PPARA: variants seen among roughly 807,000 people sequenced by gnomAD.
The protein encoded by PPARA is peroxisome proliferator activated receptor alpha, also known as peroxisome proliferator-activated receptor alpha.
A neutral mutation model predicts 42.2 loss-of-function variants in PPARA; 22 were observed. That is an observed-to-expected ratio of 0.52 (90% CI 0.37 to 0.74). PPARA has a LOEUF of 0.74. Among genes scored for constraint, PPARA ranks in the 30% least tolerant of loss-of-function variants. The pLI is 0.00. For synonymous variants in PPARA, 242 were observed against 239.3 expected, an observed-to-expected ratio of 1.01 and a Z score of -0.10; for missense variants, 465 against 608.2, an observed-to-expected ratio of 0.76 and a Z score of 2.48.
Position 46,162,176 on chromosome 22 carries a change from G to C in PPARA, c.-127+10206G>C, listed in dbSNP as rs1243719920. 6.6e-6 allele frequency among the ~76,000 whole-genome samples: 1 copy of C among 152,212 alleles called. No individual in the cohort carries two copies. Among genetic ancestry groups the C allele is most frequent in the Non-Finnish European group, 1.5e-5 (1 of 68,038 alleles). ...GTGGCTCAGTTTCCCTCAGCTACAA[G>C]AGGGGTGCATGCTAGGGTTTCTCTG... On this transcript the variant is annotated intron_variant, in intron 2 of 8. Coordinates refer to ENST00000407236, the MANE Select transcript of PPARA (RefSeq NM_005036.6). The surrounding 1 kb of genome is among the most constrained non-coding windows in gnomAD (Gnocchi z 6.0).
intron 3 of PPARA, 89 bp from the exon 4 acceptor site, chr22:46,198,253 A>AT: frequency 4.4e-6 from 2 of 459,192 alleles, no homozygotes; most frequent in Non-Finnish European, 6.7e-6. Flanking sequence ...AAAAAAAAAA[A>AT]GAATAAATAA....
At position 46,240,177 on chromosome 22, in the gene PPARA, C is replaced by T. The variant is rs973119272; in HGVS notation, c.*4797C>T. 2 of 398,624 alleles carry T rather than the reference C, an allele frequency of 5.0e-6. No homozygotes were observed. Among genetic ancestry groups the T allele is most frequent in the Non-Finnish European group, 8.8e-6 (2 of 226,180 alleles). The allele number at this position is 398,624 out of a possible 1,614,324, so 24.7% of individuals were successfully genotyped here. ...CCACCAGGAGAACATGCCCACAGCT[C>T]ACCACCTATGGATGCCATGGCTCTG... On this transcript the variant is annotated 3_prime_UTR_variant, in exon 9 of 9. Transcript: ENST00000407236. This position sits in a 1 kb window ranked among gnomAD's most constrained non-coding sequence, Gnocchi z 6.0.
At chr22:46,152,954 C>T (rs1243727366) in intron 2 of PPARA, among the ~76,000 whole-genome samples, 3 of 152,106 alleles carry the variant, frequency 2.0e-5, no homozygotes, top group Non-Finnish European at 2.9e-5. Flanking sequence ...GGCATGGTGG[C>T]GGACATCTGT....
In PPARA at chr22:46,224,897, T is replaced by G. The variant is rs556236185; in HGVS notation, c.711+4883T>G. Among the ~76,000 whole-genome samples the G allele has an allele frequency of 6.7e-6, 1 of 150,328 alleles. No homozygotes were observed. Among genetic ancestry groups the G allele is most frequent in the South Asian group, 2.1e-4 (1 of 4,680 alleles). On this transcript the variant is annotated intron_variant, in intron 7 of 8. Coordinates refer to ENST00000407236, the MANE Select transcript of PPARA (RefSeq NM_005036.6). The surrounding 1 kb of genome is among the most constrained non-coding windows in gnomAD (Gnocchi z 5.7). ...TTTGCAGTGGCCAATGCCTTTCTTC[T>G]GTCAAGATCAGCTCGTGGCCTTCAG... is the stretch of plus-strand genomic sequence containing the variant.
rs144330665 is a variant in PPARA at position 46,171,959 on chromosome 22, G to A, written c.-126-4794G>A. On this transcript the variant is annotated intron_variant, in intron 2 of 8. Transcript: ENST00000407236. This position sits in a 1 kb window ranked among gnomAD's most constrained non-coding sequence, Gnocchi z 5.0. ...CTGAGGTTTGCAGAGGGGCCTGAAG[G>A]GGTGGGGCCCGGCCAAGCAAGGTGG... 1.2e-3 allele frequency among the ~76,000 whole-genome samples: 185 copies of A among 152,262 alleles called. 1 individual carries two copies. The highest frequency in any genetic ancestry group is 4.4e-3 in the African/African-American group (181 of 41,562).
At chr22:46,168,244 C>T (rs958340449) in intron 2 of PPARA, among the ~76,000 whole-genome samples, 7 of 145,468 alleles carry the variant, frequency 4.8e-5, no homozygotes, top group African/African-American at 1.8e-4. Flanking sequence ...CCTAGCTACT[C>T]GGGAGGCTGA....
rs1270780066 is a variant in PPARA at position 46,211,703 on chromosome 22, C to T, written c.209-3470C>T. ...TCCTTCTCTCTCTTTCTTGCTTTCT[C>T]GCCTTCTTGTCTTGCTCTGTCACCC... On this transcript the variant is annotated intron_variant, in intron 4 of 8. Transcript: ENST00000407236. The surrounding 1 kb of genome is among the most constrained non-coding windows in gnomAD (Gnocchi z 4.1). Among the ~76,000 whole-genome samples the T allele has an allele frequency of 2.0e-5, 3 of 152,080 alleles. No homozygotes were observed. The highest frequency in any genetic ancestry group is 6.6e-5 in the Admixed American group (1 of 15,240).
chr22:46,214,723 C>A (rs557239144), intron 4 of PPARA, among the ~76,000 whole-genome samples: 178 of 145,256 alleles, frequency 1.2e-3, no homozygotes, highest in Non-Finnish European at 2.0e-3. Context: ...CAAAGATGTG[C>A]AAATCTGAAG....
chr22:46,182,399 C>T lies in PPARA; in HGVS notation c.-43+5563C>T, dbSNP rs987428888. 4.6e-5 allele frequency among the ~76,000 whole-genome samples: 7 copies of T among 152,050 alleles called. No individual in the cohort carries two copies. The highest frequency in any genetic ancestry group is 1.7e-4 in the African/African-American group (7 of 41,386). On this transcript the variant is annotated intron_variant, in intron 3 of 8. Coordinates refer to ENST00000407236, the MANE Select transcript of PPARA (RefSeq NM_005036.6). The surrounding 1 kb of genome is among the most constrained non-coding windows in gnomAD (Gnocchi z 5.2). The stretch of plus-strand genomic sequence containing the variant: ...ATCAAAAGGAATGGCCTATGAATAC[C>T]CATAACAACATGGATGAATGCTGAA...
chr22:46,185,986 A>C (rs1326613072), intron 3 of PPARA, among the ~76,000 whole-genome samples: 1 of 125,858 alleles, frequency 7.9e-6, no homozygotes, highest in Non-Finnish European at 1.6e-5. Flanking sequence ...AACCTTCAGC[A>C]TATAGGACTA....
chr22:46,176,869 T>C (rs1929138107), intron 3 of PPARA, 33 bp downstream of exon 3: 1 of 152,236 alleles, frequency 6.6e-6, no homozygotes, highest in Non-Finnish European at 1.5e-5. Context: ...CGTGTCTTCC[T>C]GGTGGATGAA....
rs1207976543 is a variant in PPARA, at chr22:46,185,964, T to TATAC, written c.-43+9129_-43+9130insTACA. Among the ~76,000 whole-genome samples the TATAC allele has an allele frequency of 6.6e-4, 17 of 25,906 alleles. 1 individual carries two copies. The highest frequency in any genetic ancestry group is 1.3e-3 in the African/African-American group (12 of 9,142). 17.0% of individuals were successfully genotyped at this position (25,906 alleles called of 152,430 possible). Reference sequence around the variant, plus strand: ...ATATATATATATATATATATATATATACACACACACTAACCTTCAGCATAT... The same window carrying TATAC: ...ATATATATATATATATATATATATATATACACACACACACTAACCTTCAGCATAT... On this transcript the variant is annotated intron_variant, in intron 3 of 8. Coordinates refer to ENST00000407236, the MANE Select transcript of PPARA (RefSeq NM_005036.6).
chr22:46,212,882 G>T lies in PPARA; in HGVS notation c.209-2291G>T, dbSNP rs145936138. On this transcript the variant is annotated intron_variant, in intron 4 of 8. Coordinates refer to ENST00000407236, the MANE Select transcript of PPARA (RefSeq NM_005036.6). The surrounding 1 kb of genome is among the most constrained non-coding windows in gnomAD (Gnocchi z 4.2). ...GTGGTAATGGGCACCTGTAATCCCA[G>T]CTACTTGGAAGGCTGAGGCAGGAGA... Among the ~76,000 whole-genome samples the T allele has an allele frequency of 1.6e-3, 245 of 152,280 alleles. No homozygotes were observed. Among genetic ancestry groups the T allele is most frequent in the African/African-American group, 5.5e-3 (227 of 41,542 alleles).
In PPARA at chr22:46,233,504, C is replaced by G. The variant is rs1569254511; in HGVS notation, c.1159+1265C>G. Among the ~76,000 whole-genome samples, 1 of 152,248 alleles carries G rather than the reference C, an allele frequency of 6.6e-6. No homozygotes were observed. The highest frequency in any genetic ancestry group is 1.5e-5 in the Non-Finnish European group (1 of 68,046). ...GGATTGACTCACTGTCAGCATGGAGCTGACTCAGCCCTACCAGCCGTGCCC... is the reference window on the plus strand; with the variant it reads ...GGATTGACTCACTGTCAGCATGGAGGTGACTCAGCCCTACCAGCCGTGCCC... On this transcript the variant is annotated intron_variant, in intron 8 of 8. Coordinates refer to ENST00000407236, the MANE Select transcript of PPARA (RefSeq NM_005036.6). The surrounding 1 kb of genome is among the most constrained non-coding windows in gnomAD (Gnocchi z 7.3).
At chr22:46,172,865 A>G (rs1343819801) in intron 2 of PPARA, among the ~76,000 whole-genome samples, 3 of 152,220 alleles carry the variant, frequency 2.0e-5, no homozygotes, top group Admixed American at 6.5e-5. Flanking sequence ...GGACAATCCC[A>G]TAGTCAGTTA....
rs1046869670 is a variant in PPARA, at chr22:46,215,437, G to A, written c.369+104G>A. On this transcript the variant is annotated intron_variant, in intron 5 of 8. Transcript: ENST00000407236. ...TTACTGAGAGATTGCAGAAAGTCCC[G>A]GATAAGAAACTGACTTCAGGCCAGG... 8.7e-6 allele frequency: 13 copies of A among 1,497,506 alleles called. No individual in the cohort carries two copies. In the African/African-American group the frequency reaches 1.1e-4, roughly 13 times the overall value. 92.8% of individuals were successfully genotyped at this position (1,497,506 alleles called of 1,614,324 possible).
intron 3 of PPARA, among the ~76,000 whole-genome samples, chr22:46,177,714 C>T (rs1929364412): frequency 6.6e-6 from 1 of 151,938 alleles, no homozygotes; most frequent in South Asian, 2.1e-4. Context: ...CAGATCAGAA[C>T]CTCAGGCGTG....
In PPARA at chr22:46,230,942, C is replaced by T. The variant is rs991916951; in HGVS notation, c.712-850C>T. ...AAAATTAAGAATGATCGTAATTAAG[C>T]CTCTTGCAATAGTCATTAGTTCAGA... On this transcript the variant is annotated intron_variant, in intron 7 of 8. Coordinates refer to ENST00000407236, the MANE Select transcript of PPARA (RefSeq NM_005036.6). This position sits in a 1 kb window ranked among gnomAD's most constrained non-coding sequence, Gnocchi z 5.0. Among the ~76,000 whole-genome samples, 1 of 152,192 alleles carries T rather than the reference C, an allele frequency of 6.6e-6. No individual in the cohort carries two copies.
rs71190699 is a variant in PPARA at position 46,154,988 on chromosome 22, T to TAAAAAAA, written c.-127+3051_-127+3057dup. The TAAAAAAA allele has an allele frequency of 3.9e-4, 12 of 31,002 alleles. 1 individual carries two copies. The highest frequency in any genetic ancestry group is 6.4e-4 in the African/African-American group (6 of 9,448). 1.9% of individuals were successfully genotyped at this position (31,002 alleles called of 1,614,324 possible). A position where few individuals can be genotyped will look rare whatever the true frequency, so the allele number is the denominator to read the frequency against. On this transcript the variant is annotated intron_variant, in intron 2 of 8. Coordinates refer to ENST00000407236, the MANE Select transcript of PPARA (RefSeq NM_005036.6). ...GCACCCGGCATAAGTGGTCTTTCTT[T>TAAAAAAA]AAAAAAAAAAAAAAAAAAAAAAAAA...
Sources: allele counts gnomAD v4.1 joint callset (sites outside exome capture counted in the v4.1 genomes callset), GRCh38; gene constraint gnomAD v4.1.1; non-coding constraint Gnocchi (gnomAD v3.1); transcripts MANE v1.5; gene names NCBI Gene and HGNC (gene_info 2026-07-23, HGNC 2026-07-21).